TIAM2: variants seen among roughly 807,000 people sequenced by gnomAD.
The protein encoded by TIAM2 is rho guanine nucleotide exchange factor TIAM2.
A neutral mutation model predicts 152.9 loss-of-function variants in TIAM2; 80 were observed. The ratio of observed to expected loss-of-function variants is 0.52; its 90% CI spans 0.44 to 0.63. The LOEUF (loss-of-function observed/expected upper bound fraction) is 0.63. Ranked by LOEUF, TIAM2 falls within the 30% of genes least tolerant of loss-of-function variation. The pLI, the probability that TIAM2 is intolerant of heterozygous loss-of-function variation, is 0.00. For synonymous variants in TIAM2, 804 were observed against 838.0 expected (o/e 0.96, Z 0.70); for missense variants, 1,965 against 2,120.1 (o/e 0.93, Z 1.44).
At chr6:155,083,016 G>A (rs923356931) in intron 1 of TIAM2, among the ~76,000 whole-genome samples, 5 of 152,124 alleles carry the variant, frequency 3.3e-5, no homozygotes, top group Admixed American at 6.5e-5. Context: ...GACTGATGAT[G>A]AGATGGTTCT....
chr6:155,127,063 G>A (rs1269069105), intron 2 of TIAM2, among the ~76,000 whole-genome samples: 1 of 152,128 alleles, frequency 6.6e-6, no homozygotes, highest in African/African-American at 2.4e-5. Flanking sequence ...TTTTAACCAA[G>A]GACTATTCAC....
intron 5 of TIAM2, among the ~76,000 whole-genome samples, chr6:155,140,979 G>A (rs1307583148): frequency 6.6e-6 from 1 of 152,194 alleles, no homozygotes; most frequent in Admixed American, 6.5e-5. Flanking sequence ...AGGGCTGGAA[G>A]AGCTGATTGG....
intron 4 of TIAM2, among the ~76,000 whole-genome samples, chr6:155,136,323 A>C (rs535525894): frequency 1.3e-5 from 2 of 151,688 alleles, no homozygotes; most frequent in Non-Finnish European, 1.5e-5. Flanking sequence ...TGCCCAGGCT[A>C]GAGTGCAATG....
chr6:155,130,061 A>G lies in TIAM2; in HGVS notation c.838A>G (p.Ser280Gly). The change falls in exon 4 of 27, where the codon AGC becomes GGC. Residue 280 changes from serine to glycine, a missense_variant. Ser to Gly is a moderately conservative substitution (Grantham distance 56, BLOSUM62 0). Around this residue, in one of 3 missense-constraint regions of TIAM2, gnomAD observed 1,025 missense variants for 1,119.4 expected, o/e 0.92. Transcript: ENST00000682666. ...CATGCCTGACCCCAGTCTCCATGCC[A>G]GCTTCCCACCTGGCGATGCCAAAAA... ...PGMPDPSLHA[S>G]FPPGDAKKPF... 1.9e-6 allele frequency: 3 copies of G among 1,614,046 alleles called. No individual in the cohort carries two copies. Among genetic ancestry groups the G allele is most frequent in the Non-Finnish European group, 2.5e-6 (3 of 1,180,016 alleles).
Position 155,207,606 on chromosome 6 carries a change from C to T in TIAM2, c.3065-3598C>T, listed in dbSNP as rs889603708. Among the ~76,000 whole-genome samples the T allele has an allele frequency of 3.3e-5, 5 of 152,296 alleles. No individual in the cohort carries two copies. The East Asian group carries it at 9.6e-4, about 29-fold the overall frequency. ...TCAGTGGGAGCTGGTTCCTTTGGGC[C>T]ATCCTATCCAAGCCTGTGCCTCAGA... On this transcript the variant is annotated intron_variant, in intron 14 of 26. Transcript: ENST00000682666.
At position 155,257,182 on chromosome 6, in the gene TIAM2, G is replaced by GA; in HGVS notation, c.*61_*62insA. The GA allele has an allele frequency of 9.4e-7, 1 of 1,065,912 alleles. No homozygotes were observed. Among genetic ancestry groups the GA allele is most frequent in the Non-Finnish European group, 1.3e-6 (1 of 761,718 alleles). 66.0% of individuals were successfully genotyped at this position (1,065,912 alleles called of 1,614,324 possible). A position where few individuals can be genotyped will look rare whatever the true frequency, so the allele number is the denominator to read the frequency against. Reference sequence around the variant, plus strand: ...TTTACTTTTAAACTGGTGGTAAAGTGGAAATTGCAAAAAAAAAAAAAAAAA... The same window carrying GA: ...TTTACTTTTAAACTGGTGGTAAAGTGAGAAATTGCAAAAAAAAAAAAAAAAA... On this transcript the variant is annotated 3_prime_UTR_variant, in exon 27 of 27. Transcript: ENST00000682666.
At chr6:155,215,209 G>T (rs1033862359) in intron 15 of TIAM2, among the ~76,000 whole-genome samples, 1 of 152,144 alleles carries the variant, frequency 6.6e-6, no homozygotes, top group Non-Finnish European at 1.5e-5. Context: ...GCACGTTAAG[G>T]CCATTGCCAA....
At chr6:155,162,840 A>G (rs1460848364) in intron 7 of TIAM2, among the ~76,000 whole-genome samples, 1 of 152,224 alleles carries the variant, frequency 6.6e-6, no homozygotes. Context: ...TAAATTCTTT[A>G]TGGATGTTGA....
intron 15 of TIAM2, among the ~76,000 whole-genome samples, chr6:155,234,316 T>G (rs917130009): frequency 4.6e-5 from 7 of 152,202 alleles, no homozygotes; most frequent in African/African-American, 1.7e-4. Flanking sequence ...TATTTACTTT[T>G]AGAGATAGAG....
chr6:155,111,298 T>TACACAC (rs57988099), intron 2 of TIAM2, among the ~76,000 whole-genome samples: 2,008 of 138,408 alleles, frequency 0.015, 13 homozygotes, highest in Admixed American at 0.022. Context: ...ATTCTTGGAA[T>TACACAC]ACACACACAC....
At chr6:155,050,804 A>T (rs1413388881) in intron 1 of TIAM2, among the ~76,000 whole-genome samples, 2 of 152,046 alleles carry the variant, frequency 1.3e-5, no homozygotes, top group Non-Finnish European at 2.9e-5. Context: ...TTCTTATTTG[A>T]ATTAGTGTAG....
At chr6:155,036,581 A>ATTATTTATTTAT (rs138150629) in intron 1 of TIAM2, among the ~76,000 whole-genome samples, 67 of 143,848 alleles carry the variant, frequency 4.7e-4, no homozygotes, top group East Asian at 2.2e-3. Flanking sequence ...GTTTGGAGAA[A>ATTATTTATTTAT]TTATTTATTT....
At position 155,218,055 on chromosome 6, in the gene TIAM2, C is replaced by T. The variant is rs575060817; in HGVS notation, c.3168+6748C>T. Among the ~76,000 whole-genome samples the T allele has an allele frequency of 7.7e-4, 117 of 152,132 alleles. 3 individuals carry two copies. In the South Asian group the frequency reaches 0.012, roughly 15 times the overall value. On this transcript the variant is annotated intron_variant, in intron 15 of 26. Coordinates refer to ENST00000682666, the MANE Select transcript of TIAM2 (RefSeq NM_012454.4). This position sits in a 1 kb window ranked among gnomAD's most constrained non-coding sequence, Gnocchi z 4.5. ...TGCTTTCCAGCATTCTTGGAGTTTT[C>T]GTCTTCCTTTGGTGTATACTTGCCT... is the stretch of plus-strand genomic sequence containing the variant.
At chr6:155,062,061 C>T (rs1031734951) in intron 1 of TIAM2, among the ~76,000 whole-genome samples, 1 of 151,516 alleles carries the variant, frequency 6.6e-6, no homozygotes, top group African/African-American at 2.4e-5. Flanking sequence ...GTCTGGCTTA[C>T]CCTCGCCACC....
intron 14 of TIAM2, among the ~76,000 whole-genome samples, chr6:155,193,963 C>T: frequency 6.6e-6 from 1 of 152,212 alleles, no homozygotes; most frequent in Non-Finnish European, 1.5e-5. Context: ...AAATAATTTT[C>T]AACTTGTGGA....
chr6:155,246,081 T>TTC (rs1413396351), intron 19 of TIAM2, among the ~76,000 whole-genome samples: 1 of 152,030 alleles, frequency 6.6e-6, no homozygotes, highest in East Asian at 1.9e-4. Flanking sequence ...TTTTTTTTTT[T>TTC]TCCTTGTTAA....
intron 1 of TIAM2, among the ~76,000 whole-genome samples, chr6:155,011,286 C>T (rs1197623800): frequency 3.9e-5 from 6 of 152,048 alleles, no homozygotes; most frequent in South Asian, 2.1e-4. Context: ...TTTGGACAGG[C>T]GATCATTTAA....
At chr6:155,183,603 G>A in intron 14 of TIAM2, 103 bp downstream of exon 14, 1 of 1,379,780 alleles carries the variant, frequency 7.2e-7, no homozygotes, top group Non-Finnish European at 9.6e-7. Context: ...GCTGTTCAAA[G>A]AATGTTTTCT....
intron 14 of TIAM2, among the ~76,000 whole-genome samples, chr6:155,195,880 C>CAAGGG (rs1467223632): frequency 5.3e-5 from 8 of 152,226 alleles, no homozygotes; most frequent in Middle Eastern, 3.4e-3. Context: ...CCTGGAAGGG[C>CAAGGG]AAGGGAAGAG....
Sources: gnomAD v4.1 joint callset for allele counts (sites outside exome capture counted in the v4.1 genomes callset) on GRCh38, gnomAD v4.1.1 for gene constraint, gnomAD v4.1.1 regional missense constraint, Gnocchi (gnomAD v3.1) non-coding constraint, MANE v1.5 for transcripts, NCBI Gene and HGNC (gene_info 2026-07-23, HGNC 2026-07-21) for gene names.